Variants in PTPDC1 observed in about 807,000 individuals in gnomAD.
PTPDC1 encodes protein tyrosine phosphatase domain-containing protein 1.
A neutral mutation model predicts 75.3 loss-of-function variants in PTPDC1; 53 were observed. The observed-to-expected ratio is 0.70, with a 90% CI of 0.56 to 0.88. The LOEUF is 0.88. Ranked by LOEUF, PTPDC1 falls within the 40% of genes least tolerant of loss-of-function variation. The pLI is 0.00. For missense variants in PTPDC1, 925 were observed against 998.6 expected, an observed-to-expected ratio of 0.93 and a Z score of 0.99; for synonymous variants, 349 against 366.2, an observed-to-expected ratio of 0.95 and a Z score of 0.54.
chr9:94,082,106 C>A (rs1826902850), upstream of PTPDC1, among the ~76,000 whole-genome samples: 1 of 152,160 alleles, frequency 6.6e-6, no homozygotes, highest in Non-Finnish European at 1.5e-5. Flanking sequence ...GTGAGATTCC[C>A]ATCTCTAAAG....
At position 94,055,252 on chromosome 9, in the gene PTPDC1, CT is replaced by C. The variant is rs556764422; in HGVS notation, c.-6-9478del. ...GTGTAACTTTAGGCAAATTATTTGACTTTTCTTTGTCTTAGTTTCCTCATCT... is the reference window on the plus strand; with the variant it reads ...GTGTAACTTTAGGCAAATTATTTGACTTTCTTTGTCTTAGTTTCCTCATCT... On this transcript the variant is annotated intron_variant, in intron 1 of 9. Coordinates refer to the PTPDC1 transcript ENST00000375360. 3.4e-3 allele frequency among the ~76,000 whole-genome samples: 516 copies of C among 152,206 alleles called. 4 individuals carry two copies. The highest frequency in any genetic ancestry group is 0.012 in the African/African-American group (493 of 41,526).
intron 1 of PTPDC1, among the ~76,000 whole-genome samples, chr9:94,042,884 A>G (rs572740687): frequency 7.9e-4 from 120 of 152,342 alleles, no homozygotes; most frequent in African/African-American, 2.8e-3. Context: ...TTTTCAGTTC[A>G]TCAGAGGGCA....
At chr9:94,095,051 G>A (rs1293634279) in intron 4 of PTPDC1, among the ~76,000 whole-genome samples, 3 of 152,246 alleles carry the variant, frequency 2.0e-5, no homozygotes, top group Non-Finnish European at 4.4e-5. Context: ...CGTCGCTCAC[G>A]CTGGGAGCTG....
intron 8 of PTPDC1, among the ~76,000 whole-genome samples, chr9:94,107,388 G>A (rs1828060229): frequency 6.6e-6 from 1 of 152,232 alleles, no homozygotes; most frequent in Admixed American, 6.5e-5. Flanking sequence ...ATGAGGACAT[G>A]TAGCTGGCAG....
At chr9:94,069,109 G>T (rs1826419989) in intron 2 of PTPDC1, among the ~76,000 whole-genome samples, 1 of 152,084 alleles carries the variant, frequency 6.6e-6, no homozygotes, top group African/African-American at 2.4e-5. Context: ...GTTCTTTTTA[G>T]TAGGAAATAT....
intron 6 of PTPDC1, 39 bp from the exon 7 acceptor site, chr9:94,101,527 T>C (rs372869073): frequency 1.1e-4 from 171 of 1,514,884 alleles, no homozygotes; most frequent in Non-Finnish European, 1.4e-4. Flanking sequence ...TCTCCCTGTC[T>C]CTGTCTCTGT....
At chr9:94,078,049 C>T (rs187852017) in intron 2 of PTPDC1, among the ~76,000 whole-genome samples, 1 of 152,328 alleles carries the variant, frequency 6.6e-6, no homozygotes, top group East Asian at 1.9e-4. Context: ...CTTTCTGTCC[C>T]TGTCAATTTG....
intron 1 of PTPDC1, among the ~76,000 whole-genome samples, chr9:94,048,943 C>T (rs1825700320): frequency 6.6e-6 from 1 of 152,040 alleles, no homozygotes; most frequent in Non-Finnish European, 1.5e-5. Context: ...TGAATTGATC[C>T]CTTTACCATT....
chr9:94,042,185 C>G (rs988451918), intron 1 of PTPDC1, among the ~76,000 whole-genome samples: 2 of 152,168 alleles, frequency 1.3e-5, no homozygotes, highest in African/African-American at 4.8e-5. Context: ...ACAGCAGTAT[C>G]AGAGCTATTA....
intron 1 of PTPDC1, among the ~76,000 whole-genome samples, chr9:94,036,189 T>A (rs552935972): frequency 6.6e-6 from 1 of 152,258 alleles, no homozygotes; most frequent in East Asian, 1.9e-4. Context: ...CTTTTTGGTT[T>A]GTTGTAGACC....
chr9:94,104,574 A>G (rs867324844), intron 8 of PTPDC1, among the ~76,000 whole-genome samples, 189 bp downstream of exon 8: 4 of 152,394 alleles, frequency 2.6e-5, no homozygotes, highest in African/African-American at 7.2e-5. Flanking sequence ...TTTCCAAACA[A>G]TGATCTTAGG....
Position 94,091,495 on chromosome 9 carries a change from C to T in PTPDC1, c.616+3232C>T, listed in dbSNP as rs1338747522. On this transcript the variant is annotated intron_variant, in intron 4 of 8. Coordinates refer to ENST00000620992, the MANE Select transcript of PTPDC1 (RefSeq NM_001253829.2). ...CTGGATTCGTTTTGCCAGTATTTTA[C>T]TGAGGATTTTTGCATCAATGTTCAT... is the stretch of plus-strand genomic sequence containing the variant. Among the ~76,000 whole-genome samples the T allele has an allele frequency of 4.6e-5, 7 of 152,190 alleles. No homozygotes were observed. The East Asian group carries it at 1.2e-3, about 25-fold the overall frequency.
intron 4 of PTPDC1, among the ~76,000 whole-genome samples, chr9:94,093,181 A>G (rs367696546): frequency 2.0e-5 from 3 of 152,038 alleles, no homozygotes; most frequent in Non-Finnish European, 4.4e-5. Context: ...TCCTAGTCTC[A>G]ATGGTCTTTA....
chr9:94,065,374 T>C (rs1251188540), intron 2 of PTPDC1, among the ~76,000 whole-genome samples: 1 of 152,234 alleles, frequency 6.6e-6, no homozygotes, highest in East Asian at 1.9e-4. Context: ...CACCGGCAGT[T>C]AGCCAAGGGA....
rs1827669110 is a variant in PTPDC1 at position 94,097,881 on chromosome 9, A to G, written c.1315A>G (p.Thr439Ala). Residue 439 changes from threonine (T) to alanine (A), a missense_variant, in exon 6 of 9, where the codon ACT becomes GCT. Thr to Ala is a moderately conservative substitution (Grantham distance 58, BLOSUM62 0). Transcript: ENST00000620992. Reference sequence around the variant, plus strand: ...GAATGTTGAGTGCCTTCAACCCCTGACTCATCTGAAAAGGCGGCTCAGCTA... The same window carrying G: ...GAATGTTGAGTGCCTTCAACCCCTGGCTCATCTGAAAAGGCGGCTCAGCTA... The part of the protein sequence containing the change: ...RRNVECLQPL[T>A]HLKRRLSYSD... 1.2e-6 allele frequency: 2 copies of G among 1,613,958 alleles called. No individual in the cohort carries two copies. The highest frequency in any genetic ancestry group is 2.2e-5 in the South Asian group (2 of 91,082).
intron 1 of PTPDC1, among the ~76,000 whole-genome samples, chr9:94,036,032 TTTG>T (rs1418703230): frequency 4.8e-5 from 7 of 145,274 alleles, no homozygotes; most frequent in East Asian, 2.0e-4. Context: ...TGTTTTTTTT[TTTG>T]TTTTTTTTTT....
intron 1 of PTPDC1, among the ~76,000 whole-genome samples, chr9:94,046,144 C>G (rs1423338698): frequency 6.6e-6 from 1 of 152,150 alleles, no homozygotes; most frequent in Non-Finnish European, 1.5e-5. Flanking sequence ...TGTCAAAGAT[C>G]AGATAGTTGT....
chr9:94,063,193 C>T (rs748433985), intron 1 of PTPDC1, among the ~76,000 whole-genome samples: 1 of 152,244 alleles, frequency 6.6e-6, no homozygotes, highest in Non-Finnish European at 1.5e-5. Flanking sequence ...TGGTTCATAA[C>T]TTCTTATATA....
chr9:94,069,764 T>A (rs1826447141), intron 2 of PTPDC1, among the ~76,000 whole-genome samples: 1 of 151,722 alleles, frequency 6.6e-6, no homozygotes, highest in East Asian at 1.9e-4. Context: ...ATCTGCCTGC[T>A]TCAACCTCCC....
Sources: allele counts gnomAD v4.1 joint callset (sites outside exome capture counted in the v4.1 genomes callset), GRCh38; gene constraint gnomAD v4.1.1; transcripts MANE v1.5; gene names NCBI Gene and HGNC (gene_info 2026-07-23, HGNC 2026-07-21).